The following SORCS1 variants were observed in gnomAD, a reference collection of about 807,000 sequenced individuals.
The protein encoded by SORCS1 is sortilin related VPS10 domain containing receptor 1.
Under a neutral mutation model 146.1 loss-of-function variants are expected in SORCS1, and 60 were observed. That is an observed-to-expected ratio of 0.41 (90% confidence interval 0.33 to 0.51). SORCS1 has a LOEUF of 0.51. SORCS1 is among the 20% of genes least tolerant of loss of function. The pLI is 0.21. For synonymous variants in SORCS1, 637 were observed against 584.0 expected, an observed-to-expected ratio of 1.09 and a Z score of -1.31; for missense variants, 1,352 against 1,487.6, an observed-to-expected ratio of 0.91 and a Z score of 1.50.
chr10:106,829,543 A>G (rs1216968872), intron 3 of SORCS1, 31 bp downstream of exon 3: 1 of 1,496,596 alleles, frequency 6.7e-7, no homozygotes, highest in Non-Finnish European at 9.2e-7. Context: ...CACATCATGA[A>G]TGAGTAGCAT....
rs533579053 is a variant in SORCS1 at position 107,042,776 on chromosome 10, A to AT, written c.559-86197dup. Among the ~76,000 whole-genome samples the AT allele has an allele frequency of 4.1e-4, 63 of 151,964 alleles. No individual in the cohort carries two copies. The South Asian group carries it at 0.013, about 32-fold the overall frequency. On this transcript the variant is annotated intron_variant, in intron 1 of 25. Coordinates refer to ENST00000263054, the MANE Select transcript of SORCS1 (RefSeq NM_052918.5). Reference sequence around the variant, plus strand: ...AAGCACCTGCCACCACACCTGACTAATTTTTGTATTTTTAGTAGAGATGGG... The same window carrying AT: ...AAGCACCTGCCACCACACCTGACTAATTTTTTGTATTTTTAGTAGAGATGGG...
chr10:106,954,810 C>T (rs1042222266), intron 2 of SORCS1, among the ~76,000 whole-genome samples: 9 of 152,142 alleles, frequency 5.9e-5, no homozygotes, highest in Admixed American at 1.3e-4. Context: ...TGCCCTCAGC[C>T]ACACGTTGGG....
At chr10:107,152,610 G>A (rs1968914634) in intron 1 of SORCS1, among the ~76,000 whole-genome samples, 1 of 152,144 alleles carries the variant, frequency 6.6e-6, no homozygotes, top group Non-Finnish European at 1.5e-5. Context: ...GTTTTATAAG[G>A]GGCTTTCCCC....
chr10:106,698,147 T>A (rs1853848133), intron 9 of SORCS1, among the ~76,000 whole-genome samples: 2 of 152,242 alleles, frequency 1.3e-5, no homozygotes, highest in African/African-American at 4.8e-5. Context: ...GAAGTTTAGA[T>A]ACTAGAAGAA....
chr10:106,755,584 TTGTGTG>T (rs57442916), intron 5 of SORCS1, among the ~76,000 whole-genome samples: 74 of 149,938 alleles, frequency 4.9e-4, no homozygotes, highest in African/African-American at 1.8e-3. Context: ...AACATAATCT[TTGTGTG>T]TGTGTGTGTG....
At chr10:106,785,506 T>A (rs1946015408) in intron 3 of SORCS1, among the ~76,000 whole-genome samples, 1 of 152,168 alleles carries the variant, frequency 6.6e-6, no homozygotes, top group African/African-American at 2.4e-5. Context: ...GATGGTTTAT[T>A]TCATGGACTC....
intron 1 of SORCS1, among the ~76,000 whole-genome samples, chr10:107,134,510 G>A (rs754784367): frequency 3.9e-5 from 6 of 152,104 alleles, no homozygotes; most frequent in Admixed American, 6.5e-5. Flanking sequence ...GTGGTGGCAC[G>A]TGCCTATAGT....
intron 2 of SORCS1, among the ~76,000 whole-genome samples, chr10:106,888,719 T>G (rs1177139377): frequency 1.3e-5 from 2 of 152,224 alleles, no homozygotes; most frequent in Non-Finnish European, 2.9e-5. Flanking sequence ...CCTATTTGCA[T>G]GTCAAAAGAT....
At chr10:106,724,957 T>A (rs1269535819) in intron 6 of SORCS1, among the ~76,000 whole-genome samples, 1 of 151,856 alleles carries the variant, frequency 6.6e-6, no homozygotes, top group Admixed American at 6.6e-5. Context: ...CTGACCAACA[T>A]GGCAAAACCT....
At chr10:106,584,382 C>T (rs988323116) in intron 24 of SORCS1, among the ~76,000 whole-genome samples, 1 of 152,150 alleles carries the variant, frequency 6.6e-6, no homozygotes. Flanking sequence ...GTTAAAGTAG[C>T]CAATTGGGAG....
chr10:106,606,272 TATACACAC>T (rs1360031395), intron 23 of SORCS1, among the ~76,000 whole-genome samples: 2,852 of 107,800 alleles, frequency 0.026, 40 homozygotes, highest in African/African-American at 0.048. Flanking sequence ...CACACACAGA[TATACACAC>T]ACACACACAC....
At chr10:106,601,086 G>A (rs1846213070) in intron 23 of SORCS1, among the ~76,000 whole-genome samples, 2 of 152,180 alleles carry the variant, frequency 1.3e-5, no homozygotes, top group Admixed American at 1.3e-4. Flanking sequence ...TAATGTTTGG[G>A]AGAGTCTTCG....
intron 2 of SORCS1, among the ~76,000 whole-genome samples, chr10:106,851,518 T>C (rs1489786107): frequency 6.6e-6 from 1 of 152,230 alleles, no homozygotes; most frequent in Non-Finnish European, 1.5e-5. Context: ...ACTATATTTA[T>C]ATTGTTCTAT....
chr10:106,589,970 G>T (rs1372581218), intron 24 of SORCS1, among the ~76,000 whole-genome samples: 1 of 152,086 alleles, frequency 6.6e-6, no homozygotes, highest in Non-Finnish European at 1.5e-5. Context: ...CACAATGGAT[G>T]ATGGACAACA....
chr10:106,966,964 A>G (rs1397618421), intron 1 of SORCS1, among the ~76,000 whole-genome samples: 2 of 152,248 alleles, frequency 1.3e-5, no homozygotes, highest in Admixed American at 6.5e-5. Context: ...CTCTAGTCAT[A>G]GAGTCAGGTC....
At chr10:107,066,093 G>A (rs933185649) in intron 1 of SORCS1, among the ~76,000 whole-genome samples, 2 of 151,958 alleles carry the variant, frequency 1.3e-5, no homozygotes, top group Admixed American at 6.6e-5. Context: ...AACTCTTAAT[G>A]GTCACTAATA....
At chr10:106,978,076 T>C (rs1424273487) in intron 1 of SORCS1, among the ~76,000 whole-genome samples, 1 of 152,188 alleles carries the variant, frequency 6.6e-6, no homozygotes, top group Non-Finnish European at 1.5e-5. Flanking sequence ...CCTGAGTAGC[T>C]GGGATTATAG....
At chr10:107,083,000 T>C (rs562673686) in intron 1 of SORCS1, among the ~76,000 whole-genome samples, 56 of 148,390 alleles carry the variant, frequency 3.8e-4, no homozygotes, top group African/African-American at 1.3e-3. Flanking sequence ...TCCCAGCTAC[T>C]GGGGAGGCTG....
At chr10:107,151,122 C>A (rs188505590) in intron 1 of SORCS1, among the ~76,000 whole-genome samples, 2 of 152,166 alleles carry the variant, frequency 1.3e-5, no homozygotes, top group East Asian at 3.9e-4. Flanking sequence ...TCTGGAACTT[C>A]TAGAGAATTG....
Sources: gnomAD v4.1 joint callset for allele counts (sites outside exome capture counted in the v4.1 genomes callset) on GRCh38, gnomAD v4.1.1 for gene constraint, MANE v1.5 for transcripts, NCBI Gene and HGNC (gene_info 2026-07-23, HGNC 2026-07-21) for gene names.